Variants in NAV2 observed in about 807,000 individuals in gnomAD.
The protein encoded by NAV2 is helicase, APC down-regulated 1.
NAV2 carries 54 observed loss-of-function variants against 223.2 expected under a neutral mutation model. The ratio of observed to expected loss-of-function variants is 0.24; its 90% CI spans 0.19 to 0.30. The LOEUF (loss-of-function observed/expected upper bound fraction) is 0.30, where lower values mean the gene tolerates loss of function less well. Among genes scored for constraint, NAV2 ranks in the 10% least tolerant of loss-of-function variants. The pLI is 1.00. For synonymous variants in NAV2, 1,279 were observed against 1,239.3 expected (o/e 1.03, Z -0.67); for missense variants, 2,806 against 3,147.5 (o/e 0.89, Z 2.60).
intron 1 of NAV2, among the ~76,000 whole-genome samples, chr11:19,484,656 T>G (rs1276270148): frequency 6.6e-6 from 1 of 152,188 alleles, no homozygotes; most frequent in African/African-American, 2.4e-5. Flanking sequence ...GCTTTGTCCA[T>G]CTTGACCCAG....
At chr11:20,020,212 T>C (rs1249824729) in intron 11 of NAV2, among the ~76,000 whole-genome samples, 5 of 152,244 alleles carry the variant, frequency 3.3e-5, no homozygotes, top group African/African-American at 1.2e-4. Flanking sequence ...ATTCCAAGAA[T>C]AAAGTTTTCT....
chr11:19,890,677 C>T (rs564916798), intron 5 of NAV2, among the ~76,000 whole-genome samples: 5 of 152,314 alleles, frequency 3.3e-5, no homozygotes, highest in Non-Finnish European at 1.5e-5. Flanking sequence ...GAAGCTCTTC[C>T]ATTGGATGTG....
intron 1 of NAV2, among the ~76,000 whole-genome samples, chr11:19,521,779 C>A (rs115898545): frequency 3.9e-5 from 6 of 152,166 alleles, no homozygotes; most frequent in Admixed American, 3.9e-4. Context: ...GAATAAGTAA[C>A]GTGCCAACGG....
chr11:19,501,190 G>A (rs918286709), intron 1 of NAV2, among the ~76,000 whole-genome samples: 3 of 152,014 alleles, frequency 2.0e-5, no homozygotes, highest in African/African-American at 4.8e-5. Flanking sequence ...TTATGGATTC[G>A]CATGAATAGA....
chr11:19,548,872 G>A (rs1316528189), intron 1 of NAV2, among the ~76,000 whole-genome samples: 30 of 67,134 alleles, frequency 4.5e-4, no homozygotes, highest in Non-Finnish European at 7.1e-4. Context: ...ATCAGGCTCC[G>A]TCTCAAAAAA....
intron 3 of NAV2, among the ~76,000 whole-genome samples, chr11:19,848,115 C>G (rs1234107557): frequency 6.6e-6 from 1 of 152,202 alleles, no homozygotes; most frequent in Non-Finnish European, 1.5e-5. Flanking sequence ...AGCCCTTCTT[C>G]TCACCCTGTC....
chr11:19,700,687 G>A (rs769131324), intron 1 of NAV2, among the ~76,000 whole-genome samples: 18 of 152,138 alleles, frequency 1.2e-4, no homozygotes, highest in Non-Finnish European at 1.8e-4. Context: ...TTCTTGCCTG[G>A]TCATCCTCTT....
chr11:20,100,517 C>A (rs1309418150), intron 31 of NAV2, among the ~76,000 whole-genome samples: 1 of 149,306 alleles, frequency 6.7e-6, no homozygotes, highest in Non-Finnish European at 1.5e-5. Flanking sequence ...TTGGTTTGGG[C>A]AGATGCCATA....
chr11:19,849,378 A>T (rs910866863), intron 3 of NAV2, among the ~76,000 whole-genome samples: 3 of 152,222 alleles, frequency 2.0e-5, no homozygotes, highest in Non-Finnish European at 4.4e-5. Flanking sequence ...AAGGGAGGAG[A>T]TGGAACATTT....
At chr11:19,513,794 G>A (rs1442425189) in intron 1 of NAV2, among the ~76,000 whole-genome samples, 1 of 152,186 alleles carries the variant, frequency 6.6e-6, no homozygotes, top group East Asian at 1.9e-4. Context: ...TGACTGGTTT[G>A]AGAATAGGAG....
intron 1 of NAV2, among the ~76,000 whole-genome samples, chr11:19,629,200 CA>C (rs2047268050): frequency 6.6e-6 from 1 of 152,060 alleles, no homozygotes; most frequent in Non-Finnish European, 1.5e-5. Context: ...GCCCTTGCCC[CA>C]ACCCCACTCA....
chr11:19,349,512 GCT>G (rs1409136398), upstream of NAV2, among the ~76,000 whole-genome samples: 3 of 152,184 alleles, frequency 2.0e-5, no homozygotes, highest in Admixed American at 6.5e-5. Context: ...TCTAGTACCC[GCT>G]GCGGCCGGAT....
chr11:19,452,107 A>AGTGTGTGT (rs60628637), intron 1 of NAV2, among the ~76,000 whole-genome samples: 43 of 146,764 alleles, frequency 2.9e-4, no homozygotes, highest in East Asian at 1.2e-3. Flanking sequence ...AGGTTACAAA[A>AGTGTGTGT]GTGTGTGTGT....
chr11:19,525,472 G>A (rs1179134774), intron 1 of NAV2, among the ~76,000 whole-genome samples: 1 of 152,156 alleles, frequency 6.6e-6, no homozygotes, highest in African/African-American at 2.4e-5. Context: ...TGAGGACTGC[G>A]GTCTGTCGTT....
At chr11:19,821,599 T>C (rs1330816883) in intron 1 of NAV2, among the ~76,000 whole-genome samples, 1 of 152,160 alleles carries the variant, frequency 6.6e-6, no homozygotes, top group East Asian at 1.9e-4. Context: ...ACTTTGCCCC[T>C]GAGTGTTTCC....
chr11:19,776,405 G>T (rs1469505942), intron 1 of NAV2, among the ~76,000 whole-genome samples: 1 of 152,174 alleles, frequency 6.6e-6, no homozygotes, highest in African/African-American at 2.4e-5. Flanking sequence ...GGAAATAAAG[G>T]CCACAGGCTG....
chr11:19,859,880 ACCTC>A (rs2061608549), intron 3 of NAV2, among the ~76,000 whole-genome samples: 1 of 102,214 alleles, frequency 9.8e-6, no homozygotes, highest in African/African-American at 3.9e-5. Flanking sequence ...TGACCCCCCC[ACCTC>A]CCTCCCGGAC....
Position 19,366,666 on chromosome 11 carries a change from A to G in NAV2, c.75+15639A>G, listed in dbSNP as rs549429281. ...AACTCTTACAGTGGAACCATATGCA[A>G]ATCACCTCTCCGTGAGCCTCAGTTC... On this transcript the variant is annotated intron_variant, in intron 1 of 37. Coordinates refer to the NAV2 transcript ENST00000360655. 3.9e-5 allele frequency among the ~76,000 whole-genome samples: 6 copies of G among 152,272 alleles called. No homozygotes were observed. In the South Asian group the frequency reaches 1.2e-3, roughly 32 times the overall value.
intron 1 of NAV2, among the ~76,000 whole-genome samples, chr11:19,526,462 AGCCTTGTCTCGGGGGAAT>A (rs2043845828): frequency 6.6e-6 from 1 of 150,472 alleles, no homozygotes; most frequent in Non-Finnish European, 1.5e-5. Flanking sequence ...CTTCAGAGTC[AGCCTTGTCTCGGGGGAAT>A]GAATATGATT....
Sources: gnomAD v4.1 joint callset for allele counts (sites outside exome capture counted in the v4.1 genomes callset) on GRCh38, gnomAD v4.1.1 for gene constraint, MANE v1.5 for transcripts, NCBI Gene and HGNC (gene_info 2026-07-23, HGNC 2026-07-21) for gene names.